Variants in ATF6 observed in about 807,000 individuals in gnomAD.
ATF6 encodes cyclic AMP-dependent transcription factor ATF-6 alpha.
Under a neutral mutation model 83.6 loss-of-function variants are expected in ATF6, and 53 were observed. The ratio of observed to expected loss-of-function variants is 0.63; its 90% CI spans 0.51 to 0.80. The LOEUF (loss-of-function observed/expected upper bound fraction) is 0.80, where lower values mean the gene tolerates loss of function less well. Among genes scored for constraint, ATF6 ranks in the 30% least tolerant of loss-of-function variants. ATF6 has a pLI of 0.00. For missense variants in ATF6, 744 were observed against 797.9 expected (o/e 0.93, Z 0.81); for synonymous variants, 288 against 285.8 (o/e 1.01, Z -0.08).
intron 15 of ATF6, among the ~76,000 whole-genome samples, chr1:161,955,294 A>G (rs544186120): frequency 6.6e-6 from 1 of 152,270 alleles, no homozygotes; most frequent in African/African-American, 2.4e-5. Flanking sequence ...TCGATCTGAT[A>G]GTTTTTATTC....
chr1:161,876,000 G>A (rs1404078062), intron 14 of ATF6, among the ~76,000 whole-genome samples: 1 of 151,868 alleles, frequency 6.6e-6, no homozygotes, highest in African/African-American at 2.4e-5. Context: ...ATATAATACA[G>A]TTTGATGTTG....
At chr1:161,843,924 T>C (rs543637658) in intron 9 of ATF6, among the ~76,000 whole-genome samples, 39 of 152,324 alleles carry the variant, frequency 2.6e-4, no homozygotes, top group South Asian at 1.2e-3. Flanking sequence ...GGAATTGATA[T>C]AAATTATTCA....
intron 14 of ATF6, among the ~76,000 whole-genome samples, chr1:161,895,882 GT>G (rs1687665311): frequency 1.3e-5 from 2 of 152,126 alleles, no homozygotes; most frequent in African/African-American, 4.8e-5. Context: ...TACTTCCTCT[GT>G]CAGCACTTAA....
intron 7 of ATF6, 61 bp from the exon 8 acceptor site, chr1:161,819,572 C>G: frequency 3.8e-6 from 5 of 1,299,780 alleles, no homozygotes; most frequent in Non-Finnish European, 5.1e-6. Context: ...TGAGTATATT[C>G]TGATCTATTT....
chr1:161,816,095 A>G (rs1557975720), intron 7 of ATF6, among the ~76,000 whole-genome samples: 1 of 152,226 alleles, frequency 6.6e-6, no homozygotes, highest in Non-Finnish European at 1.5e-5. Flanking sequence ...TACTAAGTGA[A>G]ATACTACATT....
chr1:161,772,379 C>T (rs1349551869), intron 1 of ATF6, among the ~76,000 whole-genome samples: 1 of 152,218 alleles, frequency 6.6e-6, no homozygotes, highest in Non-Finnish European at 1.5e-5. Context: ...AATCATATTT[C>T]CCTGGTCCTC....
At chr1:161,801,999 C>T (rs1685160505) in intron 6 of ATF6, 53 bp from the exon 7 acceptor site, 1 of 1,571,216 alleles carries the variant, frequency 6.4e-7, no homozygotes. Flanking sequence ...AAGCTGCTTC[C>T]CCTGCCACAG....
rs569949551 is a variant in ATF6 at position 161,791,561 on chromosome 1, T to C, written c.484+24T>C. ...TGGTATTACTCTATCTCCTAACTTC[T>C]GTTATTTCTATTTCAGATTGAGCTT... On this transcript the variant is annotated intron_variant, in intron 5 of 15. Transcript: ENST00000367942. 3.5e-5 allele frequency: 55 copies of C among 1,571,620 alleles called. No homozygotes were observed. The South Asian group carries it at 4.7e-4, about 13-fold the overall frequency.
At chr1:161,840,712 G>A (rs1180972550) in intron 9 of ATF6, among the ~76,000 whole-genome samples, 1 of 152,040 alleles carries the variant, frequency 6.6e-6, no homozygotes, top group Admixed American at 6.6e-5. Context: ...CCAGACTTTC[G>A]GGGAAATTGA....
chr1:161,780,387 T>A (rs1217023908), intron 2 of ATF6, among the ~76,000 whole-genome samples: 3 of 151,984 alleles, frequency 2.0e-5, no homozygotes, highest in East Asian at 3.9e-4. Flanking sequence ...TTTTATTTTT[T>A]TTTTGAGACG....
At chr1:161,945,743 C>T (rs1688734561) in intron 15 of ATF6, among the ~76,000 whole-genome samples, 1 of 152,178 alleles carries the variant, frequency 6.6e-6, no homozygotes, top group Non-Finnish European at 1.5e-5. Flanking sequence ...ATGTATTTTA[C>T]CTACCAACTT....
intron 9 of ATF6, among the ~76,000 whole-genome samples, chr1:161,836,966 G>A (rs1377774532): frequency 1.3e-5 from 2 of 152,174 alleles, no homozygotes; most frequent in African/African-American, 4.8e-5. Context: ...TTTAAGTTGA[G>A]TACTTCGATA....
intron 1 of ATF6, among the ~76,000 whole-genome samples, chr1:161,767,451 A>AT (rs1445083353): frequency 1.3e-5 from 2 of 152,172 alleles, no homozygotes; most frequent in African/African-American, 2.4e-5. Context: ...AAAACTTAAG[A>AT]TTTTTTATTC....
At chr1:161,813,110 A>G (rs985369612) in intron 7 of ATF6, among the ~76,000 whole-genome samples, 7 of 152,160 alleles carry the variant, frequency 4.6e-5, no homozygotes, top group Non-Finnish European at 8.8e-5. Context: ...AAAAAAAAAG[A>G]ACAAATTACC....
chr1:161,829,529 G>A (rs1034233748), intron 9 of ATF6, among the ~76,000 whole-genome samples: 6 of 152,122 alleles, frequency 3.9e-5, no homozygotes, highest in Non-Finnish European at 7.3e-5. Context: ...CAATATCCCT[G>A]ATGAACATCG....
At chr1:161,895,309 A>G (rs1687650391) in intron 14 of ATF6, among the ~76,000 whole-genome samples, 1 of 152,250 alleles carries the variant, frequency 6.6e-6, no homozygotes, top group Non-Finnish European at 1.5e-5. Context: ...TGAAAAGTAT[A>G]AAAGGAGAAA....
chr1:161,943,993 A>G (rs141168417), intron 15 of ATF6, among the ~76,000 whole-genome samples: 2,113 of 152,316 alleles, frequency 0.014, 44 homozygotes, highest in African/African-American at 0.048. Flanking sequence ...TACTGGGCAC[A>G]TAGCAGGCAC....
At chr1:161,851,141 TACAC>T (rs35398462) in intron 10 of ATF6, among the ~76,000 whole-genome samples, 65 of 135,932 alleles carry the variant, frequency 4.8e-4, no homozygotes, top group Admixed American at 1.4e-3. Context: ...ATCCTTAACA[TACAC>T]ACACACACAC....
At chr1:161,954,114 G>A (rs1277114065) in intron 15 of ATF6, among the ~76,000 whole-genome samples, 2 of 152,166 alleles carry the variant, frequency 1.3e-5, no homozygotes, top group Non-Finnish European at 2.9e-5. Context: ...AGTGCATGGT[G>A]TGTAGGGATG....
Sources: gnomAD v4.1 joint callset for allele counts (sites outside exome capture counted in the v4.1 genomes callset) on GRCh38, gnomAD v4.1.1 for gene constraint, MANE v1.5 for transcripts, NCBI Gene and HGNC (gene_info 2026-07-23, HGNC 2026-07-21) for gene names.